HERC1: variants seen among roughly 807,000 people sequenced by gnomAD.
HERC1 encodes the protein HECT and RLD domain containing E3 ubiquitin protein ligase family member 1.
HERC1 carries 160 observed loss-of-function variants against 554.3 expected under a neutral mutation model. The ratio of observed to expected loss-of-function variants is 0.29; its 90% CI spans 0.25 to 0.33. The LOEUF is 0.33. Among genes scored for constraint, HERC1 ranks in the 10% least tolerant of loss-of-function variants. HERC1 has a pLI of 1.00. For missense variants in HERC1, 4,919 were observed against 5,918.5 expected (o/e 0.83, Z 5.54); for synonymous variants, 2,175 against 2,131.7 (o/e 1.02, Z -0.56).
chr15:63,651,337 T>C lies in HERC1; in HGVS notation c.10462A>G (p.Ser3488Gly), dbSNP rs761020990. ...EESLGSPSDPSFSPVSWSISG... is the reference protein window; with the variant it reads ...EESLGSPSDPGFSPVSWSISG... ...ATACTCCAGGAAACTGGTGAGAAAC[T>C]TGGATCACTGGGTGATCCCAGGCTT... The change falls in exon 53 of 78, where the codon AGT (serine) becomes GGT (glycine). Residue 3488 changes from serine (S) to glycine (G), a missense_variant. Transcript: ENST00000443617. The C allele has an allele frequency of 1.1e-5, 17 of 1,613,714 alleles. No homozygotes were observed. The African/African-American group carries it at 1.9e-4, about 18-fold the overall frequency.
intron 1 of HERC1, among the ~76,000 whole-genome samples, chr15:63,799,816 G>C (rs1302208938): frequency 1.3e-5 from 2 of 152,094 alleles, no homozygotes; most frequent in Non-Finnish European, 2.9e-5. Flanking sequence ...CAGGTTTCAG[G>C]AGCCATTCCT....
At chr15:63,706,671 A>T in intron 25 of HERC1, 109 bp downstream of exon 25, 1 of 581,620 alleles carries the variant, frequency 1.7e-6, no homozygotes, top group Non-Finnish European at 2.9e-6. Context: ...TCATATCTAA[A>T]TACATCAGAT....
Position 63,749,759 on chromosome 15 carries a change from A to T in HERC1, c.1935T>A (p.Gly645=). ...VYAWGCGACL[G]CGSSEATALR... ...AAGCAGTAGCTTCTGAAGAACCACA[A>T]CCTAGACAAGCTCCACAGCCCCAAG... Residue 645 remains glycine, a synonymous_variant, in exon 9 of 78, where the codon GGT becomes GGA. Coordinates refer to ENST00000443617, the MANE Select transcript of HERC1 (RefSeq NM_003922.4). The surrounding 1 kb of genome is among the most constrained non-coding windows in gnomAD (Gnocchi z 4.1). The T allele has an allele frequency of 6.3e-7, 1 of 1,579,426 alleles. No individual in the cohort carries two copies. Among genetic ancestry groups the T allele is most frequent in the Non-Finnish European group, 8.6e-7 (1 of 1,161,924 alleles).
chr15:63,732,191 G>A (rs534217823), intron 14 of HERC1, among the ~76,000 whole-genome samples: 37 of 152,156 alleles, frequency 2.4e-4, no homozygotes, highest in African/African-American at 8.7e-4. Context: ...AGTAGAGACG[G>A]GGTTTCACCA....
At chr15:63,620,706 A>C (rs933707093) in intron 74 of HERC1, among the ~76,000 whole-genome samples, 1 of 152,096 alleles carries the variant, frequency 6.6e-6, no homozygotes, top group East Asian at 1.9e-4. Context: ...TATTTAGGAT[A>C]GTTAGTTCTT....
intron 37 of HERC1, 50 bp from the exon 38 acceptor site, chr15:63,675,167 G>T: frequency 6.8e-7 from 1 of 1,461,448 alleles, no homozygotes; most frequent in South Asian, 1.3e-5. Context: ...AGGGAAAGAC[G>T]GGAGGAAGGT....
chr15:63,658,564 C>T lies in HERC1; in HGVS notation c.9579G>A (p.Ala3193=), dbSNP rs776848656. 25 of 1,612,020 alleles carry T rather than the reference C, an allele frequency of 1.6e-5. No homozygotes were observed. Among genetic ancestry groups the T allele is most frequent in the Middle Eastern group, 1.6e-4 (1 of 6,076 alleles). The stretch of plus-strand genomic sequence containing the variant: ...CTTACCTGACTGAGAGAAGAGACAG[C>T]GCTCTCATGACCATGGTTCTGGCCA... The part of the protein sequence containing the change: ...VLLARTMVMR[A]LSLLSVSGSS... The change falls in exon 48 of 78, where the codon GCG becomes GCA. Residue 3193 remains alanine (A), a synonymous_variant. Transcript: ENST00000443617.
intron 77 of HERC1, among the ~76,000 whole-genome samples, chr15:63,610,132 T>TAA (rs1020082874): frequency 1.4e-5 from 2 of 141,734 alleles, no homozygotes; most frequent in Admixed American, 7.1e-5. Context: ...AACGTTTGCT[T>TAA]AAAAAAAAAA....
At position 63,649,625 on chromosome 15, in the gene HERC1, G is replaced by T. The variant is rs954837791; in HGVS notation, c.10747+100C>A. ...TGGAAAATTTTGAAAACAAAGCCAA[G>T]ATAATATTCACTTGGTATTTTTAAA... is the stretch of plus-strand genomic sequence containing the variant. On this transcript the variant is annotated intron_variant, in intron 54 of 77. Coordinates refer to ENST00000443617, the MANE Select transcript of HERC1 (RefSeq NM_003922.4). 5.4e-6 allele frequency: 5 copies of T among 918,880 alleles called. No homozygotes were observed. In the African/African-American group the frequency reaches 8.4e-5, roughly 15 times the overall value. 56.9% of individuals were successfully genotyped at this position (918,880 alleles called of 1,614,324 possible).
chr15:63,642,910 T>G lies in HERC1; in HGVS notation c.11433+47A>C, dbSNP rs145955277. On this transcript the variant is annotated intron_variant, in intron 59 of 77. Coordinates refer to ENST00000443617, the MANE Select transcript of HERC1 (RefSeq NM_003922.4). The stretch of plus-strand genomic sequence containing the variant: ...GGTGGTTAGACTATGATTTCTAAAG[T>G]TCCTTACAAGCTTACACCCTATCAT... The G allele has an allele frequency of 3.4e-4, 388 of 1,143,410 alleles. No individual in the cohort carries two copies. The African/African-American group carries it at 5.5e-3, about 16-fold the overall frequency. 70.8% of individuals were successfully genotyped at this position (1,143,410 alleles called of 1,614,324 possible). A position where few individuals can be genotyped will look rare whatever the true frequency, so the allele number is the denominator to read the frequency against.
intron 5 of HERC1, 50 bp from the exon 6 acceptor site, chr15:63,755,375 T>G: frequency 7.5e-7 from 1 of 1,338,584 alleles, no homozygotes; most frequent in East Asian, 2.3e-5. Context: ...TTAAAACATA[T>G]AGTCCGTATT....
chr15:63,780,786 A>C (rs569029733), intron 1 of HERC1, among the ~76,000 whole-genome samples: 1 of 152,304 alleles, frequency 6.6e-6, no homozygotes, highest in South Asian at 2.1e-4. Flanking sequence ...TACTACATCA[A>C]CATCTGTAAA....
chr15:63,680,229 AC>A lies in HERC1; in HGVS notation c.6466-70del. ...TTTTTTTAATTCACAATATCTAACC[AC>A]ATTAGAATTGAAAGCTTTTATGAGA... is the stretch of plus-strand genomic sequence containing the variant. On this transcript the variant is annotated intron_variant, in intron 35 of 77. Coordinates refer to ENST00000443617, the MANE Select transcript of HERC1 (RefSeq NM_003922.4). This position sits in a 1 kb window ranked among gnomAD's most constrained non-coding sequence, Gnocchi z 5.8. The A allele has an allele frequency of 8.5e-7, 1 of 1,174,348 alleles. No individual in the cohort carries two copies. Among genetic ancestry groups the A allele is most frequent in the Admixed American group, 2.0e-5 (1 of 48,930 alleles). The allele number at this position is 1,174,348 out of a possible 1,614,324, so 72.7% of individuals were successfully genotyped here.
chr15:63,800,911 C>T (rs745534559), intron 1 of HERC1, among the ~76,000 whole-genome samples: 51 of 152,138 alleles, frequency 3.4e-4, no homozygotes, highest in Non-Finnish European at 6.8e-4. Context: ...AGTGTTGGAA[C>T]TTTCAGTTCC....
In HERC1 at chr15:63,754,486, T is replaced by G; in HGVS notation, c.1774+19A>C. 6.5e-7 allele frequency: 1 copy of G among 1,548,228 alleles called. No homozygotes were observed. The highest frequency in any genetic ancestry group is 8.7e-7 in the Non-Finnish European group (1 of 1,149,682). The stretch of plus-strand genomic sequence containing the variant: ...TCAAGAAAAAAGCCAAAGCTACTGA[T>G]AAATAATTTTTTACATACCATTGTC... On this transcript the variant is annotated intron_variant, in intron 7 of 77. Transcript: ENST00000443617.
intron 18 of HERC1, among the ~76,000 whole-genome samples, 160 bp from the exon 19 acceptor site, chr15:63,723,515 T>TAA (rs2073909646): frequency 6.6e-6 from 1 of 152,220 alleles, no homozygotes; most frequent in Admixed American, 6.5e-5. Flanking sequence ...CAGTTGGAGG[T>TAA]AGTATCAACC....
rs895559210 is a variant in HERC1 at position 63,833,595 on chromosome 15, G to A, written c.-27+232C>T. ...GCTCCGAGGCGCCCGGGCGGCAGGA[G>A]GCCTCTAGAGCCGGGGACCCGGGGG... On this transcript the variant is annotated intron_variant, in intron 1 of 77. Coordinates refer to ENST00000443617, the MANE Select transcript of HERC1 (RefSeq NM_003922.4). Among the ~76,000 whole-genome samples the A allele has an allele frequency of 5.3e-5, 8 of 152,088 alleles. No homozygotes were observed. The East Asian group carries it at 1.6e-3, about 30-fold the overall frequency.
In HERC1 at chr15:63,678,382, A is replaced by G; in HGVS notation, c.6550-17T>C. On this transcript the variant is annotated splice_polypyrimidine_tract_variant and intron_variant, in intron 36 of 77. Coordinates refer to ENST00000443617, the MANE Select transcript of HERC1 (RefSeq NM_003922.4). ...AATTTTCACCTATATAAAAGTAAAG[A>G]GGGTGGAAAACACATGCTATTAGTA... is the stretch of plus-strand genomic sequence containing the variant. The G allele has an allele frequency of 6.4e-7, 1 of 1,560,422 alleles. No individual in the cohort carries two copies. The highest frequency in any genetic ancestry group is 1.7e-4 in the Middle Eastern group (1 of 5,810).
At chr15:63,695,018 A>G in intron 27 of HERC1, 124 bp from the exon 28 acceptor site, 2 of 745,452 alleles carry the variant, frequency 2.7e-6, no homozygotes, top group Non-Finnish European at 3.7e-6. Flanking sequence ...ATTATTTACT[A>G]TATTTCATAT....
Sources: allele counts gnomAD v4.1 joint callset (sites outside exome capture counted in the v4.1 genomes callset), GRCh38; gene constraint gnomAD v4.1.1; non-coding constraint Gnocchi (gnomAD v3.1); transcripts MANE v1.5; gene names NCBI Gene and HGNC (gene_info 2026-07-23, HGNC 2026-07-21).